The following TTC39B variants were observed in gnomAD, a reference collection of about 807,000 sequenced individuals.
TTC39B encodes tetratricopeptide repeat protein 39B.
A neutral mutation model predicts 96.6 loss-of-function variants in TTC39B; 92 were observed. The ratio of observed to expected loss-of-function variants is 0.95; its 90% confidence interval spans 0.80 to 1.13. TTC39B has a LOEUF of 1.13. TTC39B is among the 50% of genes most tolerant of loss of function. TTC39B has a pLI of 0.00. For missense variants in TTC39B, 955 were observed against 809.3 expected (o/e 1.18, Z -2.18); for synonymous variants, 367 against 299.4 (o/e 1.23, Z -2.33).
At chr9:15,246,271 A>C (rs962627138) in intron 2 of TTC39B, among the ~76,000 whole-genome samples, 13 of 152,102 alleles carry the variant, frequency 8.5e-5, no homozygotes, top group Admixed American at 7.9e-4. Context: ...AAAATAAATA[A>C]ATAAATAAAT....
intron 2 of TTC39B, chr9:15,232,116 T>A (rs1821456486): frequency 6.5e-6 from 1 of 152,880 alleles, no homozygotes; most frequent in Admixed American, 6.5e-5. Flanking sequence ...CAGGCACTCC[T>A]CTGTCCAGCT....
At chr9:15,249,874 G>A in intron 2 of TTC39B, 1 of 1,186,718 alleles carries the variant, frequency 8.4e-7, no homozygotes, top group Middle Eastern at 2.8e-4. Context: ...GAGAACATTT[G>A]AATCATAAAC....
chr9:15,257,265 T>C (rs1294719669), intron 2 of TTC39B, among the ~76,000 whole-genome samples: 1 of 152,228 alleles, frequency 6.6e-6, no homozygotes, highest in East Asian at 1.9e-4. Context: ...AAGAAATATA[T>C]TTTAATATAT....
chr9:15,185,747 C>T (rs777877188), intron 15 of TTC39B, among the ~76,000 whole-genome samples: 4 of 152,162 alleles, frequency 2.6e-5, no homozygotes, highest in Non-Finnish European at 4.4e-5. Flanking sequence ...ATACAACTGG[C>T]GATTTCTACG....
At chr9:15,228,107 A>G (rs901718763) in intron 2 of TTC39B, among the ~76,000 whole-genome samples, 1 of 152,150 alleles carries the variant, frequency 6.6e-6, no homozygotes, top group Non-Finnish European at 1.5e-5. Context: ...CATGCCATAT[A>G]TAACACACTA....
intron 1 of TTC39B, among the ~76,000 whole-genome samples, chr9:15,293,189 T>G (rs1824249978): frequency 6.6e-6 from 1 of 152,200 alleles, no homozygotes; most frequent in Admixed American, 6.5e-5. Context: ...CAGTAACATG[T>G]TGTACAGGCT....
In TTC39B at chr9:15,189,635, T is replaced by C; in HGVS notation, c.1174-2A>G. 1 of 1,614,158 alleles carries C rather than the reference T, an allele frequency of 6.2e-7. No individual in the cohort carries two copies. The highest frequency in any genetic ancestry group is 1.3e-5 in the African/African-American group (1 of 75,052). On this transcript the variant is annotated splice_acceptor_variant, in intron 12 of 19. Coordinates refer to ENST00000512701, the Ensembl canonical transcript of TTC39B. LOFTEE classifies it high-confidence loss of function. ...ATGATAAAACAACACGAGTGAGCCCTGCAGAGCAAGGAAGAAAACACACTG... is the reference window on the plus strand; with the variant it reads ...ATGATAAAACAACACGAGTGAGCCCCGCAGAGCAAGGAAGAAAACACACTG...
chr9:15,170,164 A>C (rs1817601708), exon 20 of TTC39B: 1 of 11,402 alleles, frequency 8.8e-5, no homozygotes, highest in Admixed American at 7.2e-4. Context: ...ATTACTAATA[A>C]CACATTGATA....
At chr9:15,276,326 G>C (rs1213252005) in intron 1 of TTC39B, among the ~76,000 whole-genome samples, 1 of 152,122 alleles carries the variant, frequency 6.6e-6, no homozygotes. Context: ...TTCTTCCTTA[G>C]TATCCCTATA....
chr9:15,180,297 T>G (rs1455426188), intron 17 of TTC39B, among the ~76,000 whole-genome samples: 1 of 152,258 alleles, frequency 6.6e-6, no homozygotes, highest in Non-Finnish European at 1.5e-5. Context: ...CCCTTTTACA[T>G]AACTCTCATA....
chr9:15,279,506 G>A (rs10122160), intron 1 of TTC39B, among the ~76,000 whole-genome samples: 2,118 of 152,230 alleles, frequency 0.014, 51 homozygotes, highest in African/African-American at 0.049. Flanking sequence ...CCACCCACTG[G>A]CTCTGTGACC....
intron 1 of TTC39B, among the ~76,000 whole-genome samples, chr9:15,276,389 C>A (rs1188460880): frequency 6.6e-6 from 1 of 152,146 alleles, no homozygotes; most frequent in Non-Finnish European, 1.5e-5. Context: ...ATTAGAGATG[C>A]CCATAGCACC....
chr9:15,224,102 C>CA (rs1820993233), intron 3 of TTC39B, among the ~76,000 whole-genome samples: 1 of 152,084 alleles, frequency 6.6e-6, no homozygotes, highest in Non-Finnish European at 1.5e-5. Context: ...ACCCTTCTCC[C>CA]ACTCCTTCTA....
chr9:15,192,238 A>C (rs16932789), intron 9 of TTC39B, among the ~76,000 whole-genome samples: 1,549 of 152,336 alleles, frequency 0.01, 25 homozygotes, highest in African/African-American at 0.036. Context: ...TCATTCCTCA[A>C]GTTATACTGG....
intron 2 of TTC39B, among the ~76,000 whole-genome samples, chr9:15,255,551 C>T (rs903202680): frequency 2.0e-5 from 3 of 150,284 alleles, no homozygotes; most frequent in Non-Finnish European, 4.4e-5. Flanking sequence ...CTATTTTTAT[C>T]GTGAGGTAGA....
chr9:15,189,004 G>A (rs142977198), intron 13 of TTC39B, among the ~76,000 whole-genome samples: 93 of 152,110 alleles, frequency 6.1e-4, no homozygotes, highest in African/African-American at 1.9e-3. Context: ...GAGACATTTA[G>A]GCATACTGAT....
chr9:15,285,244 G>C (rs1282249199), intron 1 of TTC39B, among the ~76,000 whole-genome samples: 1 of 151,268 alleles, frequency 6.6e-6, no homozygotes, highest in Non-Finnish European at 1.5e-5. Flanking sequence ...ACTCCAGCCT[G>C]GGCGACAGAG....
intron 1 of TTC39B, among the ~76,000 whole-genome samples, chr9:15,293,765 C>A (rs140171422): frequency 0.014 from 2,117 of 152,334 alleles, 23 homozygotes; most frequent in Middle Eastern, 0.061. Context: ...TTTCTCTGTA[C>A]ATCGTGAGCT....
At chr9:15,266,414 G>GA (rs1563774690) in intron 2 of TTC39B, among the ~76,000 whole-genome samples, 1 of 152,064 alleles carries the variant, frequency 6.6e-6, no homozygotes, top group East Asian at 1.9e-4. Flanking sequence ...GAAACATTCT[G>GA]AAAAAAGCTA....
Sources: allele counts gnomAD v4.1 joint callset (sites outside exome capture counted in the v4.1 genomes callset), GRCh38; gene constraint gnomAD v4.1.1; transcripts MANE v1.5; gene names NCBI Gene and HGNC (gene_info 2026-07-23, HGNC 2026-07-21).